The following ACVR2B variants were observed in gnomAD, a reference collection of about 807,000 sequenced individuals.
ACVR2B encodes the protein activin receptor type-2B.
Under a neutral mutation model 65.1 loss-of-function variants are expected in ACVR2B, and 18 were observed. The ratio of observed to expected loss-of-function variants is 0.28; its 90% CI spans 0.19 to 0.41. The LOEUF is 0.41. ACVR2B is among the 10% of genes least tolerant of loss of function. The pLI is 1.00. For synonymous variants in ACVR2B, 298 were observed against 277.7 expected (o/e 1.07, Z -0.73); for missense variants, 482 against 682.7 (o/e 0.71, Z 3.28).
rs1432661310 is a variant in ACVR2B, at chr3:38,492,394, G to A, written c.*9062G>A. On this transcript the variant is annotated 3_prime_UTR_variant, in exon 11 of 11. Coordinates refer to ENST00000352511, the MANE Select transcript of ACVR2B (RefSeq NM_001106.4). ...TGTTTCTCACAGTTTAAAATGATGA[G>A]TAATTGCAAACTCTGGAAATGTGAC... 4.6e-5 allele frequency: 7 copies of A among 152,548 alleles called. No homozygotes were observed. The highest frequency in any genetic ancestry group is 4.6e-4 in the Admixed American group (7 of 15,274). 9.4% of individuals were successfully genotyped at this position (152,548 alleles called of 1,614,324 possible).
chr3:38,471,660 G>C lies in ACVR2B; in HGVS notation c.53-5627G>C, dbSNP rs1250044479. 2.0e-5 allele frequency among the ~76,000 whole-genome samples: 3 copies of C among 152,332 alleles called. No homozygotes were observed. The South Asian group carries it at 6.2e-4, about 32-fold the overall frequency. ...AAATGCACTTCAGGGCTGCAGGAGA[G>C]GCAGCAGTATATAAAGAACATGCAC... On this transcript the variant is annotated intron_variant, in intron 1 of 10. Coordinates refer to ENST00000352511, the MANE Select transcript of ACVR2B (RefSeq NM_001106.4).
intron 1 of ACVR2B, among the ~76,000 whole-genome samples, chr3:38,463,279 G>A (rs573511721): frequency 7.7e-4 from 117 of 152,316 alleles, no homozygotes; most frequent in Non-Finnish European, 1.1e-3. Context: ...GTTGAAGGTC[G>A]CTGAAGAGCT....
chr3:38,459,727 A>G, intron 1 of ACVR2B: 1 of 960,920 alleles, frequency 1.0e-6, no homozygotes, highest in Non-Finnish European at 1.2e-6. Context: ...TGTGGTGGCC[A>G]GATGGGAATC....
chr3:38,454,812 A>AAGTGT (rs1709516087), intron 1 of ACVR2B: 1 of 154,762 alleles, frequency 6.5e-6, no homozygotes, highest in Admixed American at 6.5e-5. Flanking sequence ...CAGAGTCACT[A>AAGTGT]AGTGTAGCGA....
chr3:38,475,398 T>C (rs1172552387), intron 1 of ACVR2B: 2 of 152,252 alleles, frequency 1.3e-5, no homozygotes, highest in African/African-American at 4.8e-5. Flanking sequence ...CTTTCACAGG[T>C]GTCAGAGCCT....
chr3:38,470,577 G>A (rs1709802083), intron 1 of ACVR2B, among the ~76,000 whole-genome samples: 1 of 152,140 alleles, frequency 6.6e-6, no homozygotes, highest in African/African-American at 2.4e-5. Flanking sequence ...AGAAAGAAAG[G>A]CAGAGATGCA....
At position 38,489,220 on chromosome 3, in the gene ACVR2B, A is replaced by G. The variant is rs886058414; in HGVS notation, c.*5888A>G. On this transcript the variant is annotated 3_prime_UTR_variant, in exon 11 of 11. Coordinates refer to ENST00000352511, the MANE Select transcript of ACVR2B (RefSeq NM_001106.4). Reference sequence around the variant, plus strand: ...AAAGAATAGGTTGTATAATAGATACACAACACTTGAAACTTTACTTTAAAA... The same window carrying G: ...AAAGAATAGGTTGTATAATAGATACGCAACACTTGAAACTTTACTTTAAAA... 1 of 152,658 alleles carries G rather than the reference A, an allele frequency of 6.6e-6. No homozygotes were observed. Among genetic ancestry groups the G allele is most frequent in the Non-Finnish European group, 1.5e-5 (1 of 68,050 alleles). 9.5% of individuals were successfully genotyped at this position (152,658 alleles called of 1,614,324 possible).
At chr3:38,478,339 A>C in intron 4 of ACVR2B, 36 bp from the exon 5 acceptor site, 1 of 1,613,944 alleles carries the variant, frequency 6.2e-7, no homozygotes, top group Non-Finnish European at 8.5e-7. Flanking sequence ...GGTGGGGAGG[A>C]CAGGCCAGAC....
At position 38,478,262 on chromosome 3, in the gene ACVR2B, GC is replaced by G. The variant is rs1458653556; in HGVS notation, c.498del (p.Tyr167ThrfsTer21). ...CCTTTTGGATGTACCGGCATCGCAA[GC>G]CCCCCTACGGTCATGTGGACATCCA... ...LAFWMYRHRK[P>X]PYGHVDIHED... On this transcript the variant is annotated frameshift_variant, in exon 4 of 11. Transcript: ENST00000352511. LOFTEE classifies it high-confidence loss of function. 6.2e-7 allele frequency: 1 copy of G among 1,613,984 alleles called. No homozygotes were observed. Among genetic ancestry groups the G allele is most frequent in the Non-Finnish European group, 8.5e-7 (1 of 1,180,028 alleles).
chr3:38,455,313 G>C (rs1210782992), intron 1 of ACVR2B, among the ~76,000 whole-genome samples: 1 of 152,196 alleles, frequency 6.6e-6, no homozygotes, highest in East Asian at 1.9e-4. Context: ...GAAACGTGGG[G>C]AGCTGGGCAT....
At chr3:38,472,596 G>A (rs2125719029) in intron 1 of ACVR2B, among the ~76,000 whole-genome samples, 2 of 152,222 alleles carry the variant, frequency 1.3e-5, no homozygotes, top group Admixed American at 1.3e-4. Context: ...GGGTGGGGCT[G>A]GGCACCTGCT....
In ACVR2B at chr3:38,481,402, G is replaced by A. The variant is rs1710015935; in HGVS notation, c.1011G>A (p.Leu337=). The change falls in exon 8 of 11, where the codon CTG becomes CTA. Residue 337 remains leucine (L), a synonymous_variant. Coordinates refer to ENST00000352511, the MANE Select transcript of ACVR2B (RefSeq NM_001106.4). This position sits in a 1 kb window ranked among gnomAD's most constrained non-coding sequence, Gnocchi z 4.7. ...TGAAGAGCGACCTCACAGCCGTGCT[G>A]GCTGACTTTGGCTTGGCTGTTCGAT... The part of the protein sequence containing the change: ...VLLKSDLTAV[L]ADFGLAVRFE... The A allele has an allele frequency of 1.9e-6, 3 of 1,614,244 alleles. No homozygotes were observed. In the East Asian group the frequency reaches 6.7e-5, roughly 36 times the overall value.
intron 7 of ACVR2B, among the ~76,000 whole-genome samples, chr3:38,480,797 C>A (rs894980543): frequency 6.6e-6 from 1 of 152,206 alleles, no homozygotes; most frequent in Non-Finnish European, 1.5e-5. Flanking sequence ...GTCGAATCCT[C>A]ACAAGGCTGA....
At chr3:38,480,755 G>T (rs984777889) in intron 7 of ACVR2B, among the ~76,000 whole-genome samples, 7 of 152,332 alleles carry the variant, frequency 4.6e-5, no homozygotes, top group African/African-American at 1.7e-4. Flanking sequence ...AGTATGCCAG[G>T]TGTGGCCCTA....
At position 38,483,482 on chromosome 3, in the gene ACVR2B, TATTATA is replaced by T. The variant is rs1376193951; in HGVS notation, c.*156_*161del. 1.3e-5 allele frequency: 4 copies of T among 302,848 alleles called. No individual in the cohort carries two copies. The highest frequency in any genetic ancestry group is 2.2e-5 in the Non-Finnish European group (4 of 179,988). 18.8% of individuals were successfully genotyped at this position (302,848 alleles called of 1,614,324 possible). A position where few individuals can be genotyped will look rare whatever the true frequency, so the allele number is the denominator to read the frequency against. ...GACTTTTTATTATTATTATTATAAT[TATTATA>T]ATTATTATTATTAATATTATTTTTT... On this transcript the variant is annotated 3_prime_UTR_variant, in exon 11 of 11. Coordinates refer to ENST00000352511, the MANE Select transcript of ACVR2B (RefSeq NM_001106.4). The surrounding 1 kb of genome is among the most constrained non-coding windows in gnomAD (Gnocchi z 4.8).
In ACVR2B at chr3:38,483,125, C is replaced by G. The variant is rs762612194; in HGVS notation, c.1345-13C>G. ...AACAAAGGTGTCTTTCCTGTCTGCCCTATGCTGCTTAGGGCCTGGCCCAGC... is the reference window on the plus strand; with the variant it reads ...AACAAAGGTGTCTTTCCTGTCTGCCGTATGCTGCTTAGGGCCTGGCCCAGC... On this transcript the variant is annotated splice_polypyrimidine_tract_variant and intron_variant, in intron 10 of 10. Coordinates refer to ENST00000352511, the MANE Select transcript of ACVR2B (RefSeq NM_001106.4). This position sits in a 1 kb window ranked among gnomAD's most constrained non-coding sequence, Gnocchi z 4.8. The G allele has an allele frequency of 6.2e-7, 1 of 1,613,980 alleles. No individual in the cohort carries two copies. The highest frequency in any genetic ancestry group is 1.3e-5 in the African/African-American group (1 of 74,930).
Position 38,487,072 on chromosome 3 carries a change from T to TG in ACVR2B, c.*3741dup, listed in dbSNP as rs1293443821. On this transcript the variant is annotated 3_prime_UTR_variant, in exon 11 of 11. Transcript: ENST00000352511. ...CTTAGGAGAAAGTGACACCTGGCAG[T>TG]GAGGGAAGATGGTGAGCATTATTAG... 6.6e-6 allele frequency: 1 copy of TG among 152,464 alleles called. No individual in the cohort carries two copies. Among genetic ancestry groups the TG allele is most frequent in the African/African-American group, 2.4e-5 (1 of 41,446 alleles). 9.4% of individuals were successfully genotyped at this position (152,464 alleles called of 1,614,324 possible). A position where few individuals can be genotyped will look rare whatever the true frequency, so the allele number is the denominator to read the frequency against.
intron 7 of ACVR2B, among the ~76,000 whole-genome samples, chr3:38,480,892 C>T (rs1575589180): frequency 6.6e-6 from 1 of 152,190 alleles, no homozygotes; most frequent in African/African-American, 2.4e-5. Flanking sequence ...ACCCTTGCTC[C>T]AGCCGGCCTT....
At chr3:38,463,128 T>C (rs1214850209) in intron 1 of ACVR2B, among the ~76,000 whole-genome samples, 1 of 152,156 alleles carries the variant, frequency 6.6e-6, no homozygotes. Context: ...TGTGCCTGAG[T>C]CTCCTGGGTA....
Sources: gnomAD v4.1 joint callset for allele counts (sites outside exome capture counted in the v4.1 genomes callset) on GRCh38, gnomAD v4.1.1 for gene constraint, Gnocchi (gnomAD v3.1) non-coding constraint, MANE v1.5 for transcripts, NCBI Gene and HGNC (gene_info 2026-07-23, HGNC 2026-07-21) for gene names.